The following LRRC37A2 variants were observed in gnomAD, a reference collection of about 807,000 sequenced individuals.
LRRC37A2 encodes the protein leucine-rich repeat-containing protein 37A2.
LRRC37A2 carries 9 observed loss-of-function variants against 68.8 expected under a neutral mutation model. That is an observed-to-expected ratio of 0.13 (90% CI 0.08 to 0.23). The LOEUF (loss-of-function observed/expected upper bound fraction) is 0.23. Ranked by LOEUF, LRRC37A2 falls within the 10% of genes least tolerant of loss-of-function variation. The pLI, the probability that LRRC37A2 is intolerant of heterozygous loss-of-function variation, is 1.00. For missense variants in LRRC37A2, 168 were observed against 950.4 expected (o/e 0.18, Z 10.82); for synonymous variants, 63 against 367.6 (o/e 0.17, Z 9.48).
the LRRC37A2 span, among the ~76,000 whole-genome samples, chr17:46,823,142 T>TA: frequency 7.6e-6 from 1 of 131,388 alleles, no homozygotes; most frequent in Non-Finnish European, 1.6e-5. Flanking sequence ...ATATATTATA[T>TA]TATATATATT....
the LRRC37A2 span, among the ~76,000 whole-genome samples, chr17:46,714,648 C>A: frequency 2.0e-4 from 31 of 152,190 alleles, no homozygotes; most frequent in Non-Finnish European, 4.0e-4. Context: ...ACAACAACAA[C>A]AAAAATCAAT....
the LRRC37A2 span, among the ~76,000 whole-genome samples, chr17:46,897,504 G>GC: frequency 6.6e-6 from 1 of 152,166 alleles, no homozygotes; most frequent in African/African-American, 2.4e-5. Context: ...GTTACCATGA[G>GC]CCAGTATTGG....
the LRRC37A2 span, among the ~76,000 whole-genome samples, chr17:46,610,041 C>CTCTCTT: frequency 0.46 from 52,546 of 113,156 alleles, 11,745 homozygotes; most frequent in South Asian, 0.63. Flanking sequence ...CTCTCTCTCT[C>CTCTCTT]TCTTTCTTTC....
At chr17:46,962,040 T>TA in the LRRC37A2 span, among the ~76,000 whole-genome samples, 1 of 151,992 alleles carries the variant, frequency 6.6e-6, no homozygotes, top group Non-Finnish European at 1.5e-5. Flanking sequence ...ATTCCAAAAA[T>TA]AAAAATAGGG....
At chr17:46,861,077 C>T in the LRRC37A2 span, among the ~76,000 whole-genome samples, 1 of 152,172 alleles carries the variant, frequency 6.6e-6, no homozygotes, top group East Asian at 1.9e-4. Flanking sequence ...AGAATCCAAG[C>T]CAACCTCTTC....
At chr17:46,817,197 G>GC in the LRRC37A2 span, among the ~76,000 whole-genome samples, 1 of 152,178 alleles carries the variant, frequency 6.6e-6, no homozygotes, top group East Asian at 1.9e-4. Context: ...TCGGGGTGTG[G>GC]CCCCCAAGTC....
the LRRC37A2 span, among the ~76,000 whole-genome samples, chr17:47,023,056 A>G: frequency 1.3e-5 from 2 of 152,232 alleles, no homozygotes; most frequent in Non-Finnish European, 2.9e-5. Context: ...ACACCTTTTC[A>G]CTGCTGGGTA....
At chr17:46,897,907 G>T in the LRRC37A2 span, among the ~76,000 whole-genome samples, 1 of 152,174 alleles carries the variant, frequency 6.6e-6, no homozygotes, top group Non-Finnish European at 1.5e-5. Flanking sequence ...GAAACAAGAG[G>T]TGTCATGTGG....
the LRRC37A2 span, among the ~76,000 whole-genome samples, chr17:46,585,330 AAAAG>A: frequency 4.5e-5 from 4 of 89,030 alleles, no homozygotes; most frequent in Admixed American, 3.4e-4. Flanking sequence ...AAAAAAAAAA[AAAAG>A]AGAGAGAGAG....
chr17:46,847,219 C>T, the LRRC37A2 span, among the ~76,000 whole-genome samples: 3 of 152,204 alleles, frequency 2.0e-5, no homozygotes, highest in South Asian at 6.2e-4. Flanking sequence ...TGTGAGTTCC[C>T]TGGAGGGGAT....
the LRRC37A2 span, chr17:47,024,638 T>C: frequency 9.7e-7 from 1 of 1,027,812 alleles, no homozygotes; most frequent in Non-Finnish European, 1.5e-6. Flanking sequence ...CAAATAGTTG[T>C]AGTTTGCATT....
the LRRC37A2 span, among the ~76,000 whole-genome samples, chr17:46,771,754 CCCGCCCCCGCG>C: frequency 2.3e-4 from 11 of 47,570 alleles, no homozygotes; most frequent in African/African-American, 3.5e-4. Context: ...AGCGGCGCCC[CCCGCCCCCGCG>C]CCGCGCCGCG....
chr17:46,801,016 ATG>A, the LRRC37A2 span, among the ~76,000 whole-genome samples: 2 of 152,148 alleles, frequency 1.3e-5, no homozygotes, highest in African/African-American at 2.4e-5. Context: ...TGTCAGCAAA[ATG>A]TGTGTCTAAC....
At chr17:46,770,321 A>G in the LRRC37A2 span, among the ~76,000 whole-genome samples, 1 of 152,132 alleles carries the variant, frequency 6.6e-6, no homozygotes, top group African/African-American at 2.4e-5. Flanking sequence ...TGCCTGTTAG[A>G]AACAGGCGCC....
the LRRC37A2 span, among the ~76,000 whole-genome samples, chr17:46,894,190 G>A: frequency 6.6e-6 from 1 of 152,138 alleles, no homozygotes; most frequent in Non-Finnish European, 1.5e-5. Flanking sequence ...TGAGCTAGTC[G>A]CCCTGTTCCT....
chr17:46,775,780 A>AT, the LRRC37A2 span, among the ~76,000 whole-genome samples: 1 of 151,392 alleles, frequency 6.6e-6, no homozygotes, highest in South Asian at 2.1e-4. Flanking sequence ...CGCCCGGCTA[A>AT]TTTTTTGTAT....
the LRRC37A2 span, chr17:46,935,207 G>A: frequency 6.2e-7 from 1 of 1,612,916 alleles, no homozygotes; most frequent in Non-Finnish European, 8.5e-7. Flanking sequence ...AAGGCCTCTT[G>A]TTTTAGCCTC....
At chr17:46,923,862 C>G in the LRRC37A2 span, 23 of 397,622 alleles carry the variant, frequency 5.8e-5, no homozygotes, top group Non-Finnish European at 2.7e-5. Flanking sequence ...TGCTGAGATA[C>G]GTAGTTGAGT....
chr17:46,723,223 T>C, the LRRC37A2 span, among the ~76,000 whole-genome samples: 1 of 152,220 alleles, frequency 6.6e-6, no homozygotes. Context: ...AGCCAGGCTG[T>C]GGTGTTCCAG....
Sources: gnomAD v4.1 joint callset for allele counts (sites outside exome capture counted in the v4.1 genomes callset) on GRCh38, gnomAD v4.1.1 for gene constraint, MANE v1.5 for transcripts, NCBI Gene and HGNC (gene_info 2026-07-23, HGNC 2026-07-21) for gene names.